TMEM200A: variants seen among roughly 807,000 people sequenced by gnomAD.
TMEM200A encodes two transmembrane C.
A neutral mutation model predicts 24.3 loss-of-function variants in TMEM200A; 12 were observed. The observed-to-expected ratio is 0.49, with a 90% CI of 0.32 to 0.80. TMEM200A has a LOEUF of 0.80. Ranked by LOEUF, TMEM200A falls within the 30% of genes least tolerant of loss-of-function variation. The pLI, the probability that TMEM200A is intolerant of heterozygous loss-of-function variation, is 0.04. For synonymous variants in TMEM200A, 224 were observed against 224.4 expected, an observed-to-expected ratio of 1.00 and a Z score of 0.02; for missense variants, 545 against 614.4, an observed-to-expected ratio of 0.89 and a Z score of 1.19.
intron 2 of TMEM200A, among the ~76,000 whole-genome samples, chr6:130,422,423 C>T (rs1186813713): frequency 6.6e-6 from 1 of 152,078 alleles, no homozygotes; most frequent in South Asian, 2.1e-4. Context: ...TGCATGCCAC[C>T]ACACCCAGCT....
In TMEM200A at chr6:130,433,865, A is replaced by G. The variant is rs183835561; in HGVS notation, c.-16-6542A>G. Among the ~76,000 whole-genome samples the G allele has an allele frequency of 2.7e-3, 416 of 152,350 alleles. 2 individuals carry two copies. The highest frequency in any genetic ancestry group is 7.4e-3 in the Admixed American group (113 of 15,310). On this transcript the variant is annotated intron_variant, in intron 2 of 2. Transcript: ENST00000296978. The stretch of plus-strand genomic sequence containing the variant: ...AATCAGAGGGCAGGGACCCTTATGC[A>G]ATAGTCAGGAACAAGGATGAATTAG...
intron 2 of TMEM200A, 122 bp from the exon 3 acceptor site, chr6:130,440,285 T>C (rs913933511): frequency 8.2e-6 from 8 of 981,148 alleles, no homozygotes; most frequent in Non-Finnish European, 9.7e-6. Flanking sequence ...TTCTGCCCCA[T>C]TTAATCACAT....
chr6:130,399,664 T>A (rs1324202291), intron 2 of TMEM200A, among the ~76,000 whole-genome samples: 1 of 151,458 alleles, frequency 6.6e-6, no homozygotes, highest in Non-Finnish European at 1.5e-5. Context: ...CTATTTATAT[T>A]CAAATTTATT....
rs868106651 is a variant in TMEM200A, at chr6:130,435,915, G to T, written c.-16-4492G>T. 4.6e-5 allele frequency among the ~76,000 whole-genome samples: 7 copies of T among 152,318 alleles called. No individual in the cohort carries two copies. The Middle Eastern group carries it at 0.01, about 222-fold the overall frequency. On this transcript the variant is annotated intron_variant, in intron 2 of 2. Transcript: ENST00000296978. ...GAAGGGATATGGACAGGTGCAAGAG[G>T]CCAGATACTCACCCAAGGTGAGGCC...
rs553660243 is a variant in TMEM200A, at chr6:130,406,127, T to C, written c.-17+20891T>C. Among the ~76,000 whole-genome samples, 3 of 152,322 alleles carry C rather than the reference T, an allele frequency of 2.0e-5. No homozygotes were observed. In the South Asian group the frequency reaches 6.2e-4, roughly 32 times the overall value. On this transcript the variant is annotated intron_variant, in intron 2 of 2. Coordinates refer to ENST00000296978, the MANE Select transcript of TMEM200A (RefSeq NM_001258277.2). Reference sequence around the variant, plus strand: ...TCCTTGTCTTTTCATATATTCAATATCTAACTTTTCCTCTTGGCTCCTTTC... The same window carrying C: ...TCCTTGTCTTTTCATATATTCAATACCTAACTTTTCCTCTTGGCTCCTTTC...
chr6:130,400,193 T>A (rs761379548), intron 2 of TMEM200A, among the ~76,000 whole-genome samples: 1 of 152,090 alleles, frequency 6.6e-6, no homozygotes, highest in Non-Finnish European at 1.5e-5. Context: ...AGTTGTGAAT[T>A]GTGCTGCTGT....
rs182452737 is a variant in TMEM200A, at chr6:130,416,559, T to C, written c.-16-23848T>C. On this transcript the variant is annotated intron_variant, in intron 2 of 2. Coordinates refer to ENST00000296978, the MANE Select transcript of TMEM200A (RefSeq NM_001258277.2). Reference sequence around the variant, plus strand: ...TTACTGCCCACACCCAGTGTCAAGGTCTTCGTATTCTGTCTTCTAAATAGC... The same window carrying C: ...TTACTGCCCACACCCAGTGTCAAGGCCTTCGTATTCTGTCTTCTAAATAGC... Among the ~76,000 whole-genome samples, 60 of 152,250 alleles carry C rather than the reference T, an allele frequency of 3.9e-4. No homozygotes were observed. In the East Asian group the frequency reaches 9.3e-3, roughly 24 times the overall value.
At chr6:130,382,866 G>C (rs1367906047) in intron 1 of TMEM200A, 6 of 192,060 alleles carry the variant, frequency 3.1e-5, no homozygotes, top group Non-Finnish European at 5.7e-5. Context: ...CATCTTCTTG[G>C]GGAAGGGGCG....
intron 1 of TMEM200A, among the ~76,000 whole-genome samples, chr6:130,374,401 T>TTTTTGA (rs1418738396): frequency 6.7e-6 from 1 of 149,278 alleles, no homozygotes; most frequent in Non-Finnish European, 1.5e-5. Flanking sequence ...TGAGTTTTTG[T>TTTTTGA]TTTTGTTTTT....
intron 2 of TMEM200A, among the ~76,000 whole-genome samples, chr6:130,395,603 G>A (rs1203261442): frequency 6.6e-6 from 1 of 152,176 alleles, no homozygotes; most frequent in East Asian, 1.9e-4. Flanking sequence ...CATTAAACCT[G>A]ATATTAGGAA....
upstream of TMEM200A, chr6:130,365,682 G>T (rs1778118089): frequency 1.0e-6 from 1 of 985,476 alleles, no homozygotes; most frequent in Non-Finnish European, 1.2e-6. Context: ...GTCCGTTTCC[G>T]CACGCCAGCC....
rs958749986 is a variant in TMEM200A at position 130,366,240 on chromosome 6, C to A, written c.-365C>A. On this transcript the variant is annotated 5_prime_UTR_variant, in exon 1 of 3. Coordinates refer to ENST00000296978, the MANE Select transcript of TMEM200A (RefSeq NM_001258277.2). This position sits in a 1 kb window ranked among gnomAD's most constrained non-coding sequence, Gnocchi z 4.4. ...TCCCCTGCCCCGAGGCCTCCGGTGC[C>A]CCCCCGGCGCGGGCATAGGGGCGCC... 2.0e-6 allele frequency: 2 copies of A among 985,284 alleles called. No homozygotes were observed. The highest frequency in any genetic ancestry group is 1.1e-4 in the East Asian group (1 of 8,782). 61.0% of individuals were successfully genotyped at this position (985,284 alleles called of 1,614,324 possible). A position where few individuals can be genotyped will look rare whatever the true frequency, so the allele number is the denominator to read the frequency against.
intron 2 of TMEM200A, among the ~76,000 whole-genome samples, chr6:130,410,310 G>A (rs144706931): frequency 1.4e-4 from 22 of 152,272 alleles, no homozygotes; most frequent in African/African-American, 5.1e-4. Flanking sequence ...GACAACTAAA[G>A]GGCCAATGAA....
Position 130,408,312 on chromosome 6 carries a change from A to T in TMEM200A, c.-17+23076A>T, listed in dbSNP as rs907496966. The stretch of plus-strand genomic sequence containing the variant: ...GGCACTTTCCCAGATATTTTCCTCC[A>T]ACTACACTTGAGGCCAGAGAAAGTC... On this transcript the variant is annotated intron_variant, in intron 2 of 2. Transcript: ENST00000296978. Among the ~76,000 whole-genome samples, 7 of 152,318 alleles carry T rather than the reference A, an allele frequency of 4.6e-5. No homozygotes were observed. The East Asian group carries it at 1.4e-3, about 29-fold the overall frequency.
chr6:130,400,516 ATTTT>A (rs34448742), intron 2 of TMEM200A, among the ~76,000 whole-genome samples: 1 of 144,416 alleles, frequency 6.9e-6, no homozygotes. Flanking sequence ...AGCTCCTATG[ATTTT>A]TTTTTTTTTT....
rs1780204036 is a variant in TMEM200A at position 130,441,949 on chromosome 6, C to T, written c.*51C>T. On this transcript the variant is annotated 3_prime_UTR_variant, in exon 3 of 3. Coordinates refer to ENST00000296978, the MANE Select transcript of TMEM200A (RefSeq NM_001258277.2). Reference sequence around the variant, plus strand: ...AGGGTATATATTTTAAAACGATTTTCACTGGTGTTTCCTTCTTAAAGTATT... The same window carrying T: ...AGGGTATATATTTTAAAACGATTTTTACTGGTGTTTCCTTCTTAAAGTATT... The T allele has an allele frequency of 6.7e-7, 1 of 1,485,664 alleles. No individual in the cohort carries two copies. Among genetic ancestry groups the T allele is most frequent in the Non-Finnish European group, 9.0e-7 (1 of 1,106,582 alleles). 92.0% of individuals were successfully genotyped at this position (1,485,664 alleles called of 1,614,324 possible).
chr6:130,365,567 T>C, upstream of TMEM200A: 1 of 984,966 alleles, frequency 1.0e-6, no homozygotes, highest in Non-Finnish European at 1.2e-6. Context: ...ATACTGCGAG[T>C]CGGCTGGAGC....
chr6:130,435,794 A>G (rs1222002544), intron 2 of TMEM200A, among the ~76,000 whole-genome samples: 1 of 152,228 alleles, frequency 6.6e-6, no homozygotes, highest in East Asian at 1.9e-4. Flanking sequence ...TTGAGGGAAT[A>G]AGTCACGGCC....
intron 2 of TMEM200A, among the ~76,000 whole-genome samples, chr6:130,386,011 A>G (rs1467177022): frequency 6.6e-6 from 1 of 152,104 alleles, no homozygotes; most frequent in Non-Finnish European, 1.5e-5. Flanking sequence ...ATTATCTAGA[A>G]TTTTTCTCTA....
Sources: gnomAD v4.1 joint callset for allele counts (sites outside exome capture counted in the v4.1 genomes callset) on GRCh38, gnomAD v4.1.1 for gene constraint, Gnocchi (gnomAD v3.1) non-coding constraint, MANE v1.5 for transcripts, NCBI Gene and HGNC (gene_info 2026-07-23, HGNC 2026-07-21) for gene names.